KLF13: variants seen among roughly 807,000 people sequenced by gnomAD.
KLF13 encodes KLF transcription factor 13, also known as Krueppel-like factor 13.
In KLF13, 8 loss-of-function variants were observed where a neutral mutation model predicts 16.7. The observed-to-expected ratio is 0.48, with a 90% CI of 0.28 to 0.87. KLF13 has a LOEUF of 0.87. Among genes scored for constraint, KLF13 ranks in the 40% least tolerant of loss-of-function variants. The probability of loss-of-function intolerance (pLI) is 0.10; values close to 1 mark genes in which losing one functional copy is unlikely to be tolerated. For missense variants in KLF13, 447 were observed against 452.2 expected (o/e 0.99, Z 0.10); for synonymous variants, 245 against 208.4 (o/e 1.18, Z -1.51).
intron 1 of KLF13, among the ~76,000 whole-genome samples, chr15:31,415,668 AATACC>A (rs1269723143): frequency 6.6e-6 from 1 of 152,178 alleles, no homozygotes. Context: ...TATAGCTGTA[AATACC>A]TATGTTAAAA....
At chr15:31,338,172 G>A (rs1430550084) in intron 1 of KLF13, among the ~76,000 whole-genome samples, 1 of 152,208 alleles carries the variant, frequency 6.6e-6, no homozygotes, top group African/African-American at 2.4e-5. Context: ...ACTCACTTTA[G>A]CCTTTGAGAA....
downstream of KLF13, among the ~76,000 whole-genome samples, chr15:31,378,362 A>G (rs182223175): frequency 6.6e-6 from 1 of 152,144 alleles, no homozygotes; most frequent in African/African-American, 2.4e-5. Flanking sequence ...CCTACAACCT[A>G]CCACGGGCAC....
At chr15:31,390,158 A>C (rs2039842466), upstream of KLF13, among the ~76,000 whole-genome samples, 1 of 151,666 alleles carries the variant, frequency 6.6e-6, no homozygotes, top group Non-Finnish European at 1.5e-5. Context: ...GCCCTCTCCT[A>C]CCCCATGGAT....
At chr15:31,422,140 A>C (rs1035660265) in intron 1 of KLF13, among the ~76,000 whole-genome samples, 1 of 142,154 alleles carries the variant, frequency 7.0e-6, no homozygotes, top group East Asian at 2.2e-4. Flanking sequence ...AACAAAAAAA[A>C]AAAAAAAAGA....
chr15:31,334,542 C>T (rs2038893984), intron 1 of KLF13, among the ~76,000 whole-genome samples: 2 of 152,086 alleles, frequency 1.3e-5, no homozygotes, highest in Non-Finnish European at 2.9e-5. Context: ...ATTCTCCTGC[C>T]TCAGCCTCCC....
chr15:31,335,564 A>G (rs1186708762), intron 1 of KLF13, among the ~76,000 whole-genome samples: 1 of 152,080 alleles, frequency 6.6e-6, no homozygotes, highest in Non-Finnish European at 1.5e-5. Context: ...GTTTTTACCA[A>G]CATCTTTCTG....
At chr15:31,399,345 A>C (rs747644819) in intron 2 of KLF13, among the ~76,000 whole-genome samples, 3 of 152,146 alleles carry the variant, frequency 2.0e-5, no homozygotes, top group Non-Finnish European at 4.4e-5. Context: ...TTGTATTTTT[A>C]GTAGAGACGG....
intron 1 of KLF13, among the ~76,000 whole-genome samples, chr15:31,337,362 C>T (rs2038947446): frequency 6.6e-6 from 1 of 152,236 alleles, no homozygotes; most frequent in South Asian, 2.1e-4. Flanking sequence ...ACGTTAGGAC[C>T]CACAGGGGCT....
intron 1 of KLF13, among the ~76,000 whole-genome samples, chr15:31,367,110 C>A (rs1297405692): frequency 6.6e-6 from 1 of 152,216 alleles, no homozygotes; most frequent in Non-Finnish European, 1.5e-5. Context: ...TGGCCTGGGG[C>A]ATGTTGCTCC....
Position 31,327,778 on chromosome 15 carries a change from G to T in KLF13, c.566G>T (p.Arg189Ile). The change falls in exon 1 of 2, where the codon AGA becomes ATA. Residue 189 changes from arginine (R) to isoleucine (I), a missense_variant. Coordinates refer to ENST00000307145, the MANE Select transcript of KLF13 (RefSeq NM_015995.4). The stretch of plus-strand genomic sequence containing the variant: ...TCTTCGCACCTCAAGGCGCACCTGA[G>T]AACTCACACAGGTCAGTGGGGCGGC... ...GKSSHLKAHL[R>I]THTGERPFAC... The T allele has an allele frequency of 6.5e-7, 1 of 1,527,692 alleles. No homozygotes were observed. The highest frequency in any genetic ancestry group is 8.8e-7 in the Non-Finnish European group (1 of 1,132,892). 94.6% of individuals were successfully genotyped at this position (1,527,692 alleles called of 1,614,324 possible).
At chr15:31,414,920 A>G (rs74010627) in intron 1 of KLF13, among the ~76,000 whole-genome samples, 18,810 of 152,174 alleles carry the variant, frequency 0.12, 3,404 homozygotes, top group African/African-American at 0.4. Flanking sequence ...AATTTGATCC[A>G]CAATGTTGGA....
At chr15:31,433,362 T>G (rs1403378508) in intron 1 of KLF13, among the ~76,000 whole-genome samples, 6 of 151,820 alleles carry the variant, frequency 4.0e-5, no homozygotes, top group African/African-American at 1.5e-4. Flanking sequence ...AACCGAGGAG[T>G]CCCTTTGCAG....
chr15:31,359,904 G>A (rs898201224), intron 1 of KLF13, among the ~76,000 whole-genome samples: 1 of 152,210 alleles, frequency 6.6e-6, no homozygotes, highest in Non-Finnish European at 1.5e-5. Context: ...ACACCAAGGA[G>A]CGCTGAGCCC....
chr15:31,358,732 C>G (rs1043552813), intron 1 of KLF13, among the ~76,000 whole-genome samples: 1 of 152,220 alleles, frequency 6.6e-6, no homozygotes, highest in Non-Finnish European at 1.5e-5. Context: ...CCTCATATTC[C>G]TGTCTTGCCT....
chr15:31,342,635 G>A (rs977243186), intron 1 of KLF13, among the ~76,000 whole-genome samples: 4 of 152,196 alleles, frequency 2.6e-5, no homozygotes, highest in Admixed American at 2.0e-4. Context: ...GTTTCCACAG[G>A]CATTCCACTT....
chr15:31,369,152 C>CT (rs2039519562), intron 1 of KLF13, among the ~76,000 whole-genome samples: 1 of 152,192 alleles, frequency 6.6e-6, no homozygotes. Context: ...TTTTAAATCT[C>CT]TGTGTTTCAT....
chr15:31,432,113 CTA>C (rs1014414501), intron 1 of KLF13, among the ~76,000 whole-genome samples: 29 of 151,622 alleles, frequency 1.9e-4, no homozygotes, highest in African/African-American at 7.0e-4. Context: ...AGGAGGAAGA[CTA>C]GAGAGAAAGG....
intron 1 of KLF13, among the ~76,000 whole-genome samples, chr15:31,337,777 G>T (rs1404010559): frequency 6.6e-6 from 1 of 152,240 alleles, no homozygotes; most frequent in Non-Finnish European, 1.5e-5. Context: ...GTCCCACGTG[G>T]ACTGTCATTG....
At chr15:31,355,758 G>A (rs11634495) in intron 1 of KLF13, among the ~76,000 whole-genome samples, 67 of 152,156 alleles carry the variant, frequency 4.4e-4, no homozygotes, top group Non-Finnish European at 7.1e-4. Context: ...TACATTACAC[G>A]TGTTTCTTTC....
Sources: gnomAD v4.1 joint callset for allele counts (sites outside exome capture counted in the v4.1 genomes callset) on GRCh38, gnomAD v4.1.1 for gene constraint, MANE v1.5 for transcripts, NCBI Gene and HGNC (gene_info 2026-07-23, HGNC 2026-07-21) for gene names.